CTBS: variants seen among roughly 807,000 people sequenced by gnomAD.
CTBS encodes the protein di-N-acetylchitobiase.
CTBS carries 35 observed loss-of-function variants against 44.3 expected under a neutral mutation model. That is an observed-to-expected ratio of 0.79 (90% confidence interval 0.60 to 1.05). CTBS has a LOEUF of 1.05. CTBS is among the 50% of genes least tolerant of loss of function. CTBS has a pLI of 0.00. For missense variants in CTBS, 458 were observed against 475.3 expected (o/e 0.96, Z 0.34); for synonymous variants, 143 against 168.0 (o/e 0.85, Z 1.15).
At chr1:84,562,388 T>G (rs1684611522) in intron 6 of CTBS, among the ~76,000 whole-genome samples, 1 of 152,208 alleles carries the variant, frequency 6.6e-6, no homozygotes, top group South Asian at 2.1e-4. Context: ...AGCTCTACAC[T>G]AAAGCTCTCT....
chr1:84,567,985 A>C (rs972337907), intron 3 of CTBS, among the ~76,000 whole-genome samples: 1 of 152,128 alleles, frequency 6.6e-6, no homozygotes, highest in African/African-American at 2.4e-5. Context: ...TAGTTTCCCC[A>C]AACACTATTT....
intron 6 of CTBS, among the ~76,000 whole-genome samples, chr1:84,560,126 AAAGAAAGG>A (rs1217323375): frequency 2.8e-5 from 4 of 141,446 alleles, no homozygotes; most frequent in African/African-American, 8.3e-5. Flanking sequence ...AGAAAGAAAG[AAAGAAAGG>A]AAAGAAAGAA....
At position 84,554,897 on chromosome 1, in the gene CTBS, A is replaced by T; in HGVS notation, c.*102T>A. 1.2e-6 allele frequency: 1 copy of T among 850,718 alleles called. No homozygotes were observed. Among genetic ancestry groups the T allele is most frequent in the Non-Finnish European group, 1.8e-6 (1 of 547,416 alleles). 52.7% of individuals were successfully genotyped at this position (850,718 alleles called of 1,614,324 possible). A position where few individuals can be genotyped will look rare whatever the true frequency, so the allele number is the denominator to read the frequency against. ...CATTTATTTATTCTTTTTTTTTAGT[A>T]TACGGATAACAAAAGTATATAGCAA... is the stretch of plus-strand genomic sequence containing the variant. On this transcript the variant is annotated 3_prime_UTR_variant, in exon 7 of 7. Transcript: ENST00000370630.
chr1:84,574,227 G>A lies in CTBS; in HGVS notation c.177+12C>T, dbSNP rs1647398732. Reference sequence around the variant, plus strand: ...GAAGCCCAGACCTAGAGGAGCAGAGGAAGGCGCTGACCTCGAAATCTGGAT... The same window carrying A: ...GAAGCCCAGACCTAGAGGAGCAGAGAAAGGCGCTGACCTCGAAATCTGGAT... On this transcript the variant is annotated intron_variant, in intron 1 of 6. Transcript: ENST00000370630. The A allele has an allele frequency of 6.2e-7, 1 of 1,603,756 alleles. No individual in the cohort carries two copies. The highest frequency in any genetic ancestry group is 8.5e-7 in the Non-Finnish European group (1 of 1,175,900).
intron 1 of CTBS, among the ~76,000 whole-genome samples, chr1:84,572,420 G>A (rs768468238): frequency 3.5e-4 from 52 of 148,620 alleles, no homozygotes; most frequent in Non-Finnish European, 4.3e-4. Context: ...AAGAGCCTGT[G>A]ATATAACAGA....
Position 84,553,058 on chromosome 1 carries a change from T to G in CTBS, c.*1941A>C. 6.5e-7 allele frequency: 1 copy of G among 1,531,568 alleles called. No homozygotes were observed. The highest frequency in any genetic ancestry group is 1.3e-5 in the South Asian group (1 of 79,486). 94.9% of individuals were successfully genotyped at this position (1,531,568 alleles called of 1,614,324 possible). A position where few individuals can be genotyped will look rare whatever the true frequency, so the allele number is the denominator to read the frequency against. On this transcript the variant is annotated 3_prime_UTR_variant, in exon 7 of 7. Transcript: ENST00000370630. ...AGATGAGAAAACAAGCAGTTTCAGA[T>G]TTACGAACATTGAAAACTGAACTGG... is the stretch of plus-strand genomic sequence containing the variant.
chr1:84,564,949 G>C lies in CTBS; in HGVS notation c.697+892C>G, dbSNP rs1684664039. On this transcript the variant is annotated intron_variant, in intron 4 of 6. Transcript: ENST00000370630. ...AGCTACTCAGGGGGCTGAGGTTGGG[G>C]GATCACTTAAGCCCAGGAGGTCGAG... Among the ~76,000 whole-genome samples, 3 of 151,912 alleles carry C rather than the reference G, an allele frequency of 2.0e-5. No individual in the cohort carries two copies. The South Asian group carries it at 6.2e-4, about 32-fold the overall frequency.
Position 84,552,815 on chromosome 1 carries a change from G to GT in CTBS, c.*2183dup. The GT allele has an allele frequency of 2.5e-6, 1 of 406,358 alleles. No homozygotes were observed. The highest frequency in any genetic ancestry group is 4.4e-6 in the Non-Finnish European group (1 of 228,086). 25.2% of individuals were successfully genotyped at this position (406,358 alleles called of 1,614,324 possible). A position where few individuals can be genotyped will look rare whatever the true frequency, so the allele number is the denominator to read the frequency against. On this transcript the variant is annotated 3_prime_UTR_variant, in exon 7 of 7. Transcript: ENST00000370630. ...TTGTCCCTATCTACTCATAAACAAG[G>GT]TTACCTTATAGCATATCTCACCAGT...
chr1:84,563,394 C>T lies in CTBS; in HGVS notation c.820G>A (p.Val274Ile), dbSNP rs15911. The change falls in exon 6 of 7, where the codon GTC becomes ATC. Residue 274 changes from valine to isoleucine, a missense_variant. Transcript: ENST00000370630. ...CTACAAGGAGCCCCCCGGAAAGGGA[C>T]TTTTGCAATGGTACAAACATGATCC... is the stretch of plus-strand genomic sequence containing the variant. ...SEDHVCTIAK[V>I]PFRGAPCSDA... 325,218 of 1,568,514 alleles carry T rather than the reference C, an allele frequency of 0.21. 36,090 individuals are homozygous for T. The highest frequency in any genetic ancestry group is 0.3 in the South Asian group (25,115 of 83,636).
chr1:84,572,425 AAC>A (rs1647335635), intron 1 of CTBS, among the ~76,000 whole-genome samples: 2 of 150,980 alleles, frequency 1.3e-5, no homozygotes, highest in Non-Finnish European at 2.9e-5. Context: ...CCTGTGATAT[AAC>A]AGATATCCTT....
rs1360399736 is a variant in CTBS at position 84,551,359 on chromosome 1, A to C, written c.*3640T>G. ...GAAAATCAGTACTGTCCTCGGTTTC[A>C]GATAAAAATAAAAATAAATAAAATT... On this transcript the variant is annotated 3_prime_UTR_variant, in exon 7 of 7. Transcript: ENST00000370630. The C allele has an allele frequency of 1.2e-6, 1 of 806,902 alleles. No individual in the cohort carries two copies. Among genetic ancestry groups the C allele is most frequent in the African/African-American group, 1.9e-5 (1 of 53,540 alleles). The allele number at this position is 806,902 out of a possible 1,614,324, so 50.0% of individuals were successfully genotyped here.
In CTBS at chr1:84,574,272, G is replaced by C. The variant is rs2303307; in HGVS notation, c.144C>G (p.Leu48=). ...CTGGATGGTGGCGAATCGGGCGGCA[G>C]AGCTCAGGCTCCGGGCATGGGCAGT... is the stretch of plus-strand genomic sequence containing the variant. ...GTDCPCPEPE[L]CRPIRHHPDF... Residue 48 remains leucine (L), a synonymous_variant, in exon 1 of 7, where the codon CTC becomes CTG. Transcript: ENST00000370630. The C allele has an allele frequency of 1.3e-6, 2 of 1,595,690 alleles. No individual in the cohort carries two copies. The highest frequency in any genetic ancestry group is 1.3e-5 in the African/African-American group (1 of 74,418).
intron 4 of CTBS, among the ~76,000 whole-genome samples, chr1:84,564,940 G>A (rs1330168227): frequency 4.6e-5 from 7 of 152,034 alleles, no homozygotes; most frequent in African/African-American, 1.4e-4. Flanking sequence ...TCAGGGGGCT[G>A]AGGTTGGGGG....
In CTBS at chr1:84,551,507, T is replaced by A. The variant is rs1032879836; in HGVS notation, c.*3492A>T. The A allele has an allele frequency of 1.2e-5, 2 of 161,522 alleles. No homozygotes were observed. Among genetic ancestry groups the A allele is most frequent in the African/African-American group, 4.8e-5 (2 of 41,618 alleles). The allele number at this position is 161,522 out of a possible 1,614,324, so 10.0% of individuals were successfully genotyped here. A position where few individuals can be genotyped will look rare whatever the true frequency, so the allele number is the denominator to read the frequency against. ...CTATTGATATTGAGCACTTGAAATG[T>A]AGTTTGTGTGACTGAGGAACTGAAT... On this transcript the variant is annotated 3_prime_UTR_variant, in exon 7 of 7. Transcript: ENST00000370630.
chr1:84,552,988 A>G lies in CTBS; in HGVS notation c.*2011T>C. On this transcript the variant is annotated 3_prime_UTR_variant, in exon 7 of 7. Transcript: ENST00000370630. The stretch of plus-strand genomic sequence containing the variant: ...TACATGACAACTATGATGTACTTTT[A>G]GAAGGGTATGATGAAGTTCATTTTT... 8.2e-7 allele frequency: 1 copy of G among 1,216,966 alleles called. No individual in the cohort carries two copies. The highest frequency in any genetic ancestry group is 1.2e-6 in the Non-Finnish European group (1 of 868,716). 75.4% of individuals were successfully genotyped at this position (1,216,966 alleles called of 1,614,324 possible).
chr1:84,562,776 T>C (rs924038681), intron 6 of CTBS, among the ~76,000 whole-genome samples: 2 of 152,202 alleles, frequency 1.3e-5, no homozygotes, highest in Non-Finnish European at 2.9e-5. Flanking sequence ...TATAATTTAA[T>C]TATAAAATAA....
intron 4 of CTBS, 73 bp from the exon 5 acceptor site, chr1:84,563,905 C>G (rs762358070): frequency 6.9e-7 from 1 of 1,443,506 alleles, no homozygotes; most frequent in Non-Finnish European, 9.1e-7. Context: ...GCTATGCAAC[C>G]GTTCAGAATC....
chr1:84,555,133 A>G lies in CTBS; in HGVS notation c.1024T>C (p.Tyr342His), dbSNP rs1414617883. The change falls in exon 7 of 7, where the codon TAT (tyrosine) becomes CAT (histidine). Residue 342 changes from tyrosine (Y) to histidine (H), a missense_variant. Physicochemically the swap from Tyr to His is moderately conservative, Grantham distance 83. Coordinates refer to ENST00000370630, the MANE Select transcript of CTBS (RefSeq NM_004388.3). Reference protein sequence around the residue: ...NPQSISLKATYIQNYRLRGIG... With the variant: ...NPQSISLKATHIQNYRLRGIG... Reference sequence around the variant, plus strand: ...CCCCGTAAGCGATAGTTTTGTATATATGTTGCCTTTAAAGAAATACTCTGA... The same window carrying G: ...CCCCGTAAGCGATAGTTTTGTATATGTGTTGCCTTTAAAGAAATACTCTGA... The G allele has an allele frequency of 6.2e-7, 1 of 1,613,990 alleles. No homozygotes were observed. The highest frequency in any genetic ancestry group is 1.7e-5 in the Admixed American group (1 of 60,004).
In CTBS at chr1:84,550,961, G is replaced by A. The variant is rs1361075178; in HGVS notation, c.*4038C>T. ...ATTCTATTATTTAAATATGAATAATGTGTCTTCTACTAGATGTTAAGTTTC... is the reference window on the plus strand; with the variant it reads ...ATTCTATTATTTAAATATGAATAATATGTCTTCTACTAGATGTTAAGTTTC... On this transcript the variant is annotated 3_prime_UTR_variant, in exon 7 of 7. Transcript: ENST00000370630. 2.0e-6 allele frequency: 2 copies of A among 981,930 alleles called. No homozygotes were observed. The allele number at this position is 981,930 out of a possible 1,614,324, so 60.8% of individuals were successfully genotyped here. A position where few individuals can be genotyped will look rare whatever the true frequency, so the allele number is the denominator to read the frequency against.
Sources: gnomAD v4.1 joint callset for allele counts (sites outside exome capture counted in the v4.1 genomes callset) on GRCh38, gnomAD v4.1.1 for gene constraint, MANE v1.5 for transcripts, NCBI Gene and HGNC (gene_info 2026-07-23, HGNC 2026-07-21) for gene names.